The following NAA60 variants were observed in gnomAD, a reference collection of about 807,000 sequenced individuals.
The protein encoded by NAA60 is N-alpha-acetyltransferase 60, NatF catalytic subunit.
In NAA60, 8 loss-of-function variants were observed where a neutral mutation model predicts 26.1. That is an observed-to-expected ratio of 0.31 (90% confidence interval 0.18 to 0.55). NAA60 has a LOEUF of 0.55. NAA60 is among the 20% of genes least tolerant of loss of function. NAA60 has a pLI of 0.93. For missense variants in NAA60, 290 were observed against 311.3 expected (o/e 0.93, Z 0.51); for synonymous variants, 131 against 122.5 (o/e 1.07, Z -0.46).
At chr16:3,462,599 A>G (rs2150969448) in intron 2 of NAA60, 1 of 152,274 alleles carries the variant, frequency 6.6e-6, no homozygotes, top group African/African-American at 2.4e-5. Context: ...TACACACAGA[A>G]AAGTGCACTG....
chr16:3,473,091 A>C (rs528868699), intron 2 of NAA60, among the ~76,000 whole-genome samples: 45 of 152,142 alleles, frequency 3.0e-4, no homozygotes, highest in African/African-American at 1.0e-3. Flanking sequence ...GCTGGAATGC[A>C]ATGACACCAT....
rs780084217 is a variant in NAA60 at position 3,483,538 on chromosome 16, C to G, written c.513C>G (p.Leu171=). 6.8e-6 allele frequency: 11 copies of G among 1,613,506 alleles called. No homozygotes were observed. The highest frequency in any genetic ancestry group is 4.0e-5 in the African/African-American group (3 of 74,898). Residue 171 remains leucine (L), a synonymous_variant, in exon 6 of 8, where the codon CTC becomes CTG. Transcript: ENST00000407558. ...LPYYYSIRGV[L]KDGFTYVLYI... is the part of the protein sequence containing the mutation. ...ATTACTACTCCATTCGAGGGGTCCT[C>G]AAAGATGGCTTCACCTATGTCCTCT...
At position 3,448,515 on chromosome 16, in the gene NAA60, CT is replaced by C; in HGVS notation, c.-31del. On this transcript the variant is annotated 5_prime_UTR_variant, in exon 2 of 8. An upstream open reading frame in the 5' UTR loses its in-frame stop. Transcript: ENST00000407558. ...TGGAGGAAGGAAGTGCGGAGCCAGC[CT>C]GAGTTGGGAGAAGAGCTCCAGAGAG... 6.5e-7 allele frequency: 1 copy of C among 1,535,548 alleles called. No homozygotes were observed. The highest frequency in any genetic ancestry group is 1.4e-5 in the African/African-American group (1 of 73,118).
chr16:3,476,381 C>A, intron 3 of NAA60, 44 bp downstream of exon 3: 1 of 1,545,812 alleles, frequency 6.5e-7, no homozygotes, highest in Non-Finnish European at 8.9e-7. Context: ...CCGTGAGCCT[C>A]AGGTGCAGAA....
rs867406865 is a variant in NAA60, at chr16:3,466,710, A to C, written c.-6-9512A>C. Among the ~76,000 whole-genome samples, 14 of 152,114 alleles carry C rather than the reference A, an allele frequency of 9.2e-5. 1 individual carries two copies. The highest frequency in any genetic ancestry group is 1.5e-5 in the Non-Finnish European group (1 of 68,030). On this transcript the variant is annotated intron_variant, in intron 2 of 7. Transcript: ENST00000407558. ...CTCTTGAGCAGAAGCCTGGTGTGCT[A>C]ACGGGCAGGACTGGGGTGGTGCTTT...
At chr16:3,452,680 A>G (rs2034831790) in intron 2 of NAA60, among the ~76,000 whole-genome samples, 1 of 150,830 alleles carries the variant, frequency 6.6e-6, no homozygotes. Context: ...TGCTTGGTTG[A>G]GCATGGTGGC....
chr16:3,478,685 T>C (rs1296507519), intron 3 of NAA60, among the ~76,000 whole-genome samples: 2 of 152,150 alleles, frequency 1.3e-5, no homozygotes, highest in African/African-American at 4.8e-5. Flanking sequence ...CACATTCCCC[T>C]TAAGGGCGGG....
At chr16:3,450,472 AG>A (rs2034731777) in intron 2 of NAA60, among the ~76,000 whole-genome samples, 1 of 152,068 alleles carries the variant, frequency 6.6e-6, no homozygotes, top group African/African-American at 2.4e-5. Context: ...AGGCTGAGGC[AG>A]GCGGATCACA....
intron 2 of NAA60, chr16:3,458,327 G>GCGCCCC (rs2035127332): frequency 5.1e-6 from 2 of 388,632 alleles, no homozygotes; most frequent in Non-Finnish European, 7.0e-6. Context: ...GGCCGCGCCC[G>GCGCCCC]CGCCCCCGGC....
intron 2 of NAA60, among the ~76,000 whole-genome samples, chr16:3,460,073 G>T (rs1267251664): frequency 1.3e-5 from 2 of 152,184 alleles, no homozygotes; most frequent in Non-Finnish European, 2.9e-5. Context: ...GGTGGATACA[G>T]AATCCAGAAT....
rs563736586 is a variant in NAA60 at position 3,476,335 on chromosome 16, C to A, written c.108C>A (p.Ile36=). 2.7e-5 allele frequency: 43 copies of A among 1,612,980 alleles called. No individual in the cohort carries two copies. The Admixed American group carries it at 7.2e-4, about 27-fold the overall frequency. ...VKHLCGDWFP[I]EYPDSWYRDI... The stretch of plus-strand genomic sequence containing the variant: ...ACCTGTGTGGCGACTGGTTCCCCAT[C>A]GAGTAAGTGGAGCGGATTGCAGGGT... The change falls in exon 3 of 8, where the codon ATC becomes ATA. Residue 36 remains isoleucine, a splice_region_variant and synonymous_variant. Coordinates refer to ENST00000407558, the MANE Select transcript of NAA60 (RefSeq NM_001083601.3).
rs934134127 is a variant in NAA60 at position 3,485,935 on chromosome 16, C to T, written c.*675C>T. The T allele has an allele frequency of 2.8e-5, 9 of 324,584 alleles. No individual in the cohort carries two copies. Among genetic ancestry groups the T allele is most frequent in the East Asian group, 8.6e-5 (1 of 11,634 alleles). 20.1% of individuals were successfully genotyped at this position (324,584 alleles called of 1,614,324 possible). Reference sequence around the variant, plus strand: ...ACGGTTCCTACTCCTCAGCACCTTCCGTGCAGTTACCAGTGCCCTGGGAGG... The same window carrying T: ...ACGGTTCCTACTCCTCAGCACCTTCTGTGCAGTTACCAGTGCCCTGGGAGG... On this transcript the variant is annotated 3_prime_UTR_variant, in exon 8 of 8. Coordinates refer to ENST00000407558, the MANE Select transcript of NAA60 (RefSeq NM_001083601.3).
At chr16:3,479,733 C>A in intron 4 of NAA60, 133 bp downstream of exon 4, 2 of 978,352 alleles carry the variant, frequency 2.0e-6, no homozygotes, top group Admixed American at 2.6e-5. Flanking sequence ...TCCAAGTGGC[C>A]AACGACACTT....
chr16:3,458,042 GCCGCCTCCGTC>G (rs1157442762), intron 2 of NAA60: 3 of 985,258 alleles, frequency 3.0e-6, no homozygotes, highest in East Asian at 1.1e-4. Flanking sequence ...GCCGCGGGCT[GCCGCCTCCGTC>G]CCGGCTGCGG....
At chr16:3,473,488 ACT>A (rs1291565055) in intron 2 of NAA60, among the ~76,000 whole-genome samples, 1 of 152,176 alleles carries the variant, frequency 6.6e-6, no homozygotes, top group Non-Finnish European at 1.5e-5. Flanking sequence ...TGCTCCCATG[ACT>A]CAGTTATCTC....
intron 2 of NAA60, among the ~76,000 whole-genome samples, chr16:3,460,389 G>A (rs1485214531): frequency 6.6e-6 from 1 of 152,098 alleles, no homozygotes; most frequent in Non-Finnish European, 1.5e-5. Context: ...TTGGAGATAG[G>A]TTCTCACTCT....
At chr16:3,483,773 A>G in intron 6 of NAA60, 176 bp downstream of exon 6, 1 of 609,620 alleles carries the variant, frequency 1.6e-6, no homozygotes, top group Non-Finnish European at 2.9e-6. Context: ...ATTTGGGTAA[A>G]TCGAGTTGCA....
chr16:3,483,240 G>C, intron 5 of NAA60, 123 bp from the exon 6 acceptor site: 1 of 732,256 alleles, frequency 1.4e-6, no homozygotes, highest in Non-Finnish European at 2.3e-6. Context: ...GTGAAGAAAG[G>C]CTGGTCTCTG....
At chr16:3,450,879 A>G (rs2034756855) in intron 2 of NAA60, among the ~76,000 whole-genome samples, 2 of 152,154 alleles carry the variant, frequency 1.3e-5, no homozygotes, top group African/African-American at 2.4e-5. Context: ...TGGGTGTTTC[A>G]TCATCTGTAA....
Sources: gnomAD v4.1 joint callset for allele counts (sites outside exome capture counted in the v4.1 genomes callset) on GRCh38, gnomAD v4.1.1 for gene constraint, MANE v1.5 for transcripts, NCBI Gene and HGNC (gene_info 2026-07-23, HGNC 2026-07-21) for gene names.